The following FRMPD4 variants were observed in gnomAD, a reference collection of about 807,000 sequenced individuals.
The protein encoded by FRMPD4 is FERM and PDZ domain-containing protein 4.
FRMPD4 carries 22 observed loss-of-function variants against 94.1 expected under a neutral mutation model. The ratio of observed to expected loss-of-function variants is 0.23; its 90% CI spans 0.17 to 0.33. The LOEUF is 0.33. Among genes scored for constraint, FRMPD4 ranks in the 10% least tolerant of loss-of-function variants. The pLI is 1.00. For synonymous variants in FRMPD4, 631 were observed against 548.6 expected (o/e 1.15, Z -2.10); for missense variants, 1,111 against 1,339.9 (o/e 0.83, Z 2.67).
At chrX:11,899,117 G>C (rs1292962837) in intron 3 of FRMPD4, among the ~76,000 whole-genome samples, 1 of 111,985 alleles carries the variant, frequency 8.9e-6, no homozygotes, top group East Asian at 2.8e-4. Context: ...TAAATTTGTA[G>C]GGCATTTTGT....
chrX:12,433,355 G>A (rs1025758037), intron 1 of FRMPD4, among the ~76,000 whole-genome samples: 8 of 112,269 alleles, frequency 7.1e-5, no homozygotes, highest in African/African-American at 2.6e-4. Context: ...ACCTGAAAAC[G>A]TGGAAACTGA....
intron 3 of FRMPD4, among the ~76,000 whole-genome samples, chrX:12,081,758 T>C (rs759869134): frequency 8.9e-6 from 1 of 111,822 alleles, no homozygotes; most frequent in Admixed American, 9.4e-5. Flanking sequence ...GCACCAAAAT[T>C]GACAGCTCCT....
intron 1 of FRMPD4, among the ~76,000 whole-genome samples, chrX:12,292,983 T>TA (rs1555947734): frequency 1.6e-3 from 174 of 109,841 alleles, no homozygotes; most frequent in African/African-American, 5.1e-3. Context: ...TTTTTTTTTT[T>TA]AATGAGAGCT....
chrX:12,017,057 T>C (rs1174457295), intron 3 of FRMPD4, among the ~76,000 whole-genome samples: 1 of 112,152 alleles, frequency 8.9e-6, no homozygotes, highest in African/African-American at 3.2e-5. Context: ...TGACCTAGCT[T>C]TGGGCTCTTT....
At chrX:12,702,149 A>G in intron 10 of FRMPD4, 139 bp downstream of exon 10, 1 of 548,622 alleles carries the variant, frequency 1.8e-6, no homozygotes, top group Non-Finnish European at 3.1e-6. Context: ...TATGAATATC[A>G]TGCTCATTTC....
At chrX:12,049,648 T>C (rs972990759) in intron 3 of FRMPD4, among the ~76,000 whole-genome samples, 2 of 111,448 alleles carry the variant, frequency 1.8e-5, no homozygotes, top group Non-Finnish European at 3.8e-5. Flanking sequence ...TTCCTTCTGC[T>C]TATAAAAAAG....
intron 5 of FRMPD4, among the ~76,000 whole-genome samples, chrX:12,682,595 G>A (rs1318420765): frequency 8.9e-6 from 1 of 112,328 alleles, no homozygotes; most frequent in Non-Finnish European, 1.9e-5. Context: ...TAGTAGATAT[G>A]TACTAGGTGT....
intron 1 of FRMPD4, among the ~76,000 whole-genome samples, chrX:12,493,463 T>G (rs2057812508): frequency 8.9e-6 from 1 of 112,019 alleles, no homozygotes; most frequent in Admixed American, 9.5e-5. Flanking sequence ...GAGCTTTAGC[T>G]TTGGTTTTCC....
At chrX:12,543,951 C>G (rs2058445883) in intron 2 of FRMPD4, among the ~76,000 whole-genome samples, 1 of 110,077 alleles carries the variant, frequency 9.1e-6, no homozygotes, top group African/African-American at 3.3e-5. Flanking sequence ...ATGGATGAAG[C>G]TGGAAACCAT....
At chrX:12,482,161 G>C (rs946202948) in intron 1 of FRMPD4, among the ~76,000 whole-genome samples, 2 of 109,759 alleles carry the variant, frequency 1.8e-5, no homozygotes, top group African/African-American at 6.6e-5. Context: ...TGTATAAGTG[G>C]ACATGTGCAG....
intron 3 of FRMPD4, among the ~76,000 whole-genome samples, chrX:12,097,641 T>C (rs1003151320): frequency 8.9e-6 from 1 of 112,404 alleles, no homozygotes; most frequent in Non-Finnish European, 1.9e-5. Context: ...TCTGAACATT[T>C]TATGTAAATA....
intron 3 of FRMPD4, among the ~76,000 whole-genome samples, chrX:11,884,687 A>T (rs764270568): frequency 1.8e-5 from 2 of 111,601 alleles, no homozygotes; most frequent in African/African-American, 6.5e-5. Context: ...GTTTTAAGAG[A>T]TAATTGAGTT....
chrX:12,010,864 A>C (rs1458663108), intron 3 of FRMPD4, among the ~76,000 whole-genome samples: 6 of 112,393 alleles, frequency 5.3e-5, no homozygotes, highest in African/African-American at 1.6e-4. Flanking sequence ...TTGGACTTGT[A>C]GAGGTGAAGA....
chrX:12,526,300 C>T, intron 2 of FRMPD4, among the ~76,000 whole-genome samples: 1 of 112,527 alleles, frequency 8.9e-6, no homozygotes, highest in Non-Finnish European at 1.9e-5. Flanking sequence ...ATCATCTGCC[C>T]TGAATTTTAA....
intron 1 of FRMPD4, among the ~76,000 whole-genome samples, chrX:12,246,589 G>T (rs748120875): frequency 1.8e-5 from 2 of 111,357 alleles, no homozygotes; most frequent in African/African-American, 3.3e-5. Flanking sequence ...CACATTATCT[G>T]ATAATGCTGT....
intron 1 of FRMPD4, among the ~76,000 whole-genome samples, chrX:12,271,177 T>C (rs1473948458): frequency 8.9e-6 from 1 of 112,328 alleles, no homozygotes; most frequent in Non-Finnish European, 1.9e-5. Context: ...AGTGAGACTA[T>C]GTTCTAGAAA....
chrX:12,643,006 A>G (rs2059513999), intron 4 of FRMPD4, among the ~76,000 whole-genome samples: 1 of 112,250 alleles, frequency 8.9e-6, no homozygotes, highest in Non-Finnish European at 1.9e-5. Context: ...TGGTCCACAA[A>G]GCCTATTTAC....
At chrX:12,483,771 C>G (rs1039764351) in intron 1 of FRMPD4, among the ~76,000 whole-genome samples, 3 of 111,681 alleles carry the variant, frequency 2.7e-5, no homozygotes, top group African/African-American at 9.7e-5. Context: ...CATTTTTATC[C>G]AAATTGTTTC....
chrX:11,920,018 C>A (rs1306119874), intron 3 of FRMPD4, among the ~76,000 whole-genome samples: 1 of 111,957 alleles, frequency 8.9e-6, no homozygotes, highest in Non-Finnish European at 1.9e-5. Flanking sequence ...AGCTGGCATC[C>A]TTTTATGAAA....
Sources: gnomAD v4.1 joint callset for allele counts (sites outside exome capture counted in the v4.1 genomes callset) on GRCh38, gnomAD v4.1.1 for gene constraint, MANE v1.5 for transcripts, NCBI Gene and HGNC (gene_info 2026-07-23, HGNC 2026-07-21) for gene names.